The following TP53BP1 variants were observed in gnomAD, a reference collection of about 807,000 sequenced individuals.
TP53BP1 encodes the protein tumor protein p53 binding protein 1.
Under a neutral mutation model 200.8 loss-of-function variants are expected in TP53BP1, and 61 were observed. The observed-to-expected ratio is 0.30, with a 90% CI of 0.25 to 0.38. TP53BP1 has a LOEUF of 0.38. Among genes scored for constraint, TP53BP1 ranks in the 10% least tolerant of loss-of-function variants. The pLI, the probability that TP53BP1 is intolerant of heterozygous loss-of-function variation, is 1.00. For synonymous variants in TP53BP1, 822 were observed against 844.3 expected, an observed-to-expected ratio of 0.97 and a Z score of 0.46; for missense variants, 2,144 against 2,371.9, an observed-to-expected ratio of 0.90 and a Z score of 2.00.
intron 1 of TP53BP1, among the ~76,000 whole-genome samples, chr15:43,502,617 A>AT (rs776534479): frequency 0.045 from 6,239 of 137,922 alleles, 142 homozygotes; most frequent in Middle Eastern, 0.093. Context: ...ACCACGACCT[A>AT]TTTTTTTTTT....
In TP53BP1 at chr15:43,457,104, G is replaced by A. The variant is rs1379752908; in HGVS notation, c.1504C>T (p.Pro502Ser). 1 of 1,614,098 alleles carries A rather than the reference G, an allele frequency of 6.2e-7. No individual in the cohort carries two copies. The highest frequency in any genetic ancestry group is 1.7e-5 in the Admixed American group (1 of 60,012). Residue 502 changes from proline (P) to serine (S), a missense_variant, in exon 12 of 28, where the codon CCA becomes TCA. This residue lies in a region of TP53BP1 where 1,700 missense variants were observed against 1,710.3 expected (regional missense o/e 0.99). Coordinates refer to ENST00000382044, the MANE Select transcript of TP53BP1 (RefSeq NM_001141980.3). The stretch of plus-strand genomic sequence containing the variant: ...CCAAGATCCTCAGGGGAATTCTTTG[G>A]TTCAATCTCTGAAGTTTTAGAACAC... Reference protein sequence around the residue: ...VECSKTSEIEPKNSPEDLGLS... With the variant: ...VECSKTSEIESKNSPEDLGLS...
intron 24 of TP53BP1, chr15:43,412,882 C>A: frequency 1.7e-6 from 1 of 587,654 alleles, no homozygotes; most frequent in South Asian, 1.8e-5. Context: ...TAGATAAGAT[C>A]TATCTCCCAT....
chr15:43,408,696 A>T (rs1329399154), intron 26 of TP53BP1: 1 of 581,302 alleles, frequency 1.7e-6, no homozygotes, highest in Non-Finnish European at 3.1e-6. Flanking sequence ...ACAAATCTTC[A>T]CACATTTGCA....
rs1440087926 is a variant in TP53BP1, at chr15:43,492,478, A to T, written c.8-10T>A. ...GGGTCCATCTGCTCCCCTGGAATGG[A>T]ATAACAAAAGATCAGTTCCGTGTAA... On this transcript the variant is annotated splice_polypyrimidine_tract_variant and intron_variant, in intron 1 of 27. Transcript: ENST00000382044. The T allele has an allele frequency of 1.2e-6, 2 of 1,611,276 alleles. No homozygotes were observed. The highest frequency in any genetic ancestry group is 1.7e-6 in the Non-Finnish European group (2 of 1,178,384).
chr15:43,408,224 T>G, intron 26 of TP53BP1, 136 bp from the exon 27 acceptor site: 1 of 920,592 alleles, frequency 1.1e-6, no homozygotes, highest in South Asian at 1.7e-5. Flanking sequence ...AAGCCTGTAA[T>G]CCCAGCACTT....
rs557312171 is a variant in TP53BP1, at chr15:43,460,242, T to C, written c.1390-3024A>G. Reference sequence around the variant, plus strand: ...AACTCCCAACATAGATGGTTAGGCATTCATTTCCTATGTTTTGTTTTGTTT... The same window carrying C: ...AACTCCCAACATAGATGGTTAGGCACTCATTTCCTATGTTTTGTTTTGTTT... On this transcript the variant is annotated intron_variant, in intron 11 of 27. Transcript: ENST00000382044. Among the ~76,000 whole-genome samples, 20 of 152,230 alleles carry C rather than the reference T, an allele frequency of 1.3e-4. No homozygotes were observed. The South Asian group carries it at 2.1e-3, about 16-fold the overall frequency.
upstream of TP53BP1, among the ~76,000 whole-genome samples, chr15:43,495,534 A>ACACACACAC (rs1566970727): frequency 3.9e-5 from 4 of 102,880 alleles, no homozygotes; most frequent in African/African-American, 1.2e-4. Flanking sequence ...CACACACACA[A>ACACACACAC]AAGCCAGGTG....
At chr15:43,471,335 A>T (rs151315289) in intron 10 of TP53BP1, among the ~76,000 whole-genome samples, 2 of 152,258 alleles carry the variant, frequency 1.3e-5, no homozygotes, top group African/African-American at 4.8e-5. Flanking sequence ...CTATATCTGG[A>T]GTGTAGTATC....
chr15:43,455,005 C>T (rs914529791), intron 12 of TP53BP1, among the ~76,000 whole-genome samples: 2 of 152,194 alleles, frequency 1.3e-5, no homozygotes, highest in Non-Finnish European at 2.9e-5. Flanking sequence ...GTTAGGATTA[C>T]AGGCGTGAGC....
At chr15:43,489,553 G>A (rs1457390247) in intron 4 of TP53BP1, among the ~76,000 whole-genome samples, 1 of 152,200 alleles carries the variant, frequency 6.6e-6, no homozygotes, top group African/African-American at 2.4e-5. Context: ...AAGAACACCT[G>A]GCCTCAGTGT....
chr15:43,452,113 C>CGA (rs2046184214), intron 12 of TP53BP1, among the ~76,000 whole-genome samples: 1 of 152,008 alleles, frequency 6.6e-6, no homozygotes, highest in African/African-American at 2.4e-5. Flanking sequence ...CCAGCCTGGG[C>CGA]GACAGAGCAA....
intron 12 of TP53BP1, among the ~76,000 whole-genome samples, chr15:43,453,689 C>A (rs1363769391): frequency 6.6e-6 from 1 of 151,300 alleles, no homozygotes; most frequent in Non-Finnish European, 1.5e-5. Context: ...GGACTACAGG[C>A]ACCCGTCATC....
chr15:43,444,699 T>C (rs2046002542), intron 14 of TP53BP1, among the ~76,000 whole-genome samples: 1 of 152,194 alleles, frequency 6.6e-6, no homozygotes, highest in South Asian at 2.1e-4. Flanking sequence ...GTGAAGTACC[T>C]GGTATACAGT....
intron 15 of TP53BP1, among the ~76,000 whole-genome samples, chr15:43,439,028 T>C (rs1382367683): frequency 6.6e-6 from 1 of 152,188 alleles, no homozygotes; most frequent in Non-Finnish European, 1.5e-5. Context: ...GCTGAAATTA[T>C]CTTCAAAATA....
chr15:43,495,185 T>G (rs889395092), upstream of TP53BP1, among the ~76,000 whole-genome samples: 1 of 150,992 alleles, frequency 6.6e-6, no homozygotes, highest in African/African-American at 2.4e-5. Flanking sequence ...AGTGAGACCC[T>G]GTCTGAAACA....
intron 24 of TP53BP1, among the ~76,000 whole-genome samples, chr15:43,411,472 G>A (rs1422729362): frequency 6.6e-6 from 1 of 152,212 alleles, no homozygotes; most frequent in Non-Finnish European, 1.5e-5. Context: ...TTGTAAGCTG[G>A]TGTCTAAGAA....
chr15:43,403,307 T>A lies in TP53BP1; in HGVS notation c.*4076A>T. ...CTAAAGGCTATAGTGGGGAAGGGAG[T>A]GCTTCACTGAGAGAGTGGGACTTGA... On this transcript the variant is annotated 3_prime_UTR_variant, in exon 28 of 28. Coordinates refer to ENST00000382044, the MANE Select transcript of TP53BP1 (RefSeq NM_001141980.3). 5.9e-6 allele frequency: 1 copy of A among 168,072 alleles called. No individual in the cohort carries two copies. Among genetic ancestry groups the A allele is most frequent in the Admixed American group, 6.2e-5 (1 of 16,196 alleles). 10.4% of individuals were successfully genotyped at this position (168,072 alleles called of 1,614,324 possible).
chr15:43,488,157 G>A (rs544111738), intron 4 of TP53BP1, among the ~76,000 whole-genome samples: 1 of 152,144 alleles, frequency 6.6e-6, no homozygotes, highest in East Asian at 1.9e-4. Flanking sequence ...AAATTAGTTG[G>A]GTGTGGTGGC....
upstream of TP53BP1, among the ~76,000 whole-genome samples, chr15:43,494,176 T>A (rs1355155097): frequency 6.6e-6 from 1 of 152,208 alleles, no homozygotes; most frequent in East Asian, 1.9e-4. Flanking sequence ...GGAAAGCACC[T>A]AGCACAGTGC....
Sources: allele counts gnomAD v4.1 joint callset (sites outside exome capture counted in the v4.1 genomes callset), GRCh38; gene constraint gnomAD v4.1.1; regional missense constraint gnomAD v4.1.1; transcripts MANE v1.5; gene names NCBI Gene and HGNC (gene_info 2026-07-23, HGNC 2026-07-21).